The following ZBTB1 variants were observed in gnomAD, a reference collection of about 807,000 sequenced individuals.
ZBTB1 encodes zinc finger and BTB domain containing 1.
In ZBTB1, 13 loss-of-function variants were observed where a neutral mutation model predicts 51.6. The observed-to-expected ratio is 0.25, with a 90% CI of 0.16 to 0.40. The LOEUF is 0.40. Ranked by LOEUF, ZBTB1 falls within the 10% of genes least tolerant of loss-of-function variation. The pLI, the probability that ZBTB1 is intolerant of heterozygous loss-of-function variation, is 1.00. For missense variants in ZBTB1, 567 were observed against 856.5 expected, an observed-to-expected ratio of 0.66 and a Z score of 4.22; for synonymous variants, 240 against 282.2, an observed-to-expected ratio of 0.85 and a Z score of 1.50.
chr14:64,512,109 A>C (rs373806011), intron 1 of ZBTB1, among the ~76,000 whole-genome samples: 1 of 152,210 alleles, frequency 6.6e-6, no homozygotes, highest in Non-Finnish European at 1.5e-5. Context: ...AATTTTTTTT[A>C]AATTGTACTG....
rs563898754 is a variant in ZBTB1 at position 64,523,675 on chromosome 14, T to G, written c.*29T>G. ...ATTTTCTACTGTACTAATGTTTAGA[T>G]GATAGCAGATAAAACACCAAAGCAA... On this transcript the variant is annotated 3_prime_UTR_variant, in exon 2 of 2. Transcript: ENST00000683701. This position sits in a 1 kb window ranked among gnomAD's most constrained non-coding sequence, Gnocchi z 4.5. 7 of 1,506,790 alleles carry G rather than the reference T, an allele frequency of 4.6e-6. No homozygotes were observed. The highest frequency in any genetic ancestry group is 6.2e-6 in the Non-Finnish European group (7 of 1,125,292). 93.3% of individuals were successfully genotyped at this position (1,506,790 alleles called of 1,614,324 possible).
At position 64,524,610 on chromosome 14, in the gene ZBTB1, T is replaced by C. The variant is rs2079889059; in HGVS notation, c.*964T>C. The stretch of plus-strand genomic sequence containing the variant: ...AGATTTGAGAAAGCTTCCATGTATA[T>C]TGATAAATCTAATAAAATAAAGAGA... On this transcript the variant is annotated 3_prime_UTR_variant, in exon 2 of 2. Transcript: ENST00000683701. 1 of 982,244 alleles carries C rather than the reference T, an allele frequency of 1.0e-6. No individual in the cohort carries two copies. The highest frequency in any genetic ancestry group is 4.7e-5 in the South Asian group (1 of 21,232). The allele number at this position is 982,244 out of a possible 1,614,324, so 60.8% of individuals were successfully genotyped here.
chr14:64,513,645 C>T (rs1196061367), intron 1 of ZBTB1, among the ~76,000 whole-genome samples: 2 of 152,094 alleles, frequency 1.3e-5, no homozygotes, highest in East Asian at 1.9e-4. Flanking sequence ...GAACTTTATT[C>T]AATATAGTTT....
intron 1 of ZBTB1, chr14:64,505,330 C>A (rs893163067): frequency 2.5e-5 from 4 of 161,828 alleles, no homozygotes; most frequent in African/African-American, 9.6e-5. Flanking sequence ...ACAGCTGCGG[C>A]TCGGCGGCGG....
intron 1 of ZBTB1, among the ~76,000 whole-genome samples, chr14:64,520,246 G>A (rs187805767): frequency 2.7e-4 from 41 of 152,050 alleles, no homozygotes; most frequent in African/African-American, 8.0e-4. Flanking sequence ...CTCGTGATCC[G>A]CCCGCCTCGG....
At chr14:64,532,101 T>C (rs1158998012) in exon 3 of ZBTB1, 2 of 521,384 alleles carry the variant, frequency 3.8e-6, no homozygotes, top group Non-Finnish European at 6.7e-6. Context: ...GTAACAAAAT[T>C]GATTCATGGT....
chr14:64,523,448 C>A lies in ZBTB1; in HGVS notation c.1944C>A (p.Asp648Glu). ...ICDQGNFRKH[D>E]HVRHMISHLS... ...ATCAAGGAAACTTCAGAAAACATGA[C>A]CATGTACGGCATATGATTTCTCATT... The change falls in exon 2 of 2, where the codon GAC (aspartate) becomes GAA (glutamate). Residue 648 changes from aspartate to glutamate, a missense_variant. Physicochemically the swap from Asp to Glu is conservative, Grantham distance 45 (BLOSUM62 2). Transcript: ENST00000683701. This position sits in a 1 kb window ranked among gnomAD's most constrained non-coding sequence, Gnocchi z 4.5. The A allele has an allele frequency of 6.2e-7, 1 of 1,614,158 alleles. No individual in the cohort carries two copies. The highest frequency in any genetic ancestry group is 8.5e-7 in the Non-Finnish European group (1 of 1,180,006).
chr14:64,524,628 TAAA>T lies in ZBTB1; in HGVS notation c.*983_*985del, dbSNP rs201668165. 1.6e-4 allele frequency: 155 copies of T among 982,686 alleles called. 2 individuals are homozygous for T. In the East Asian group the frequency reaches 0.016, roughly 101 times the overall value. The allele number at this position is 982,686 out of a possible 1,614,324, so 60.9% of individuals were successfully genotyped here. On this transcript the variant is annotated 3_prime_UTR_variant, in exon 2 of 2. Coordinates refer to ENST00000683701, the MANE Select transcript of ZBTB1 (RefSeq NM_001123329.2). ...ATGTATATTGATAAATCTAATAAAA[TAAA>T]GAGATCAATTATAAACCTGGTTGTT...
chr14:64,533,494 T>G, exon 3 of ZBTB1: 1 of 152,724 alleles, frequency 6.5e-6, no homozygotes, highest in East Asian at 1.9e-4. Flanking sequence ...TAAAAATGGC[T>G]TAAATTTTGA....
intron 1 of ZBTB1, among the ~76,000 whole-genome samples, chr14:64,516,936 T>C (rs1373172127): frequency 6.6e-6 from 1 of 152,220 alleles, no homozygotes; most frequent in African/African-American, 2.4e-5. Context: ...TTTTGGTTGC[T>C]GATGATAAAA....
chr14:64,504,604 C>T (rs557487578), upstream of ZBTB1: 5 of 276,378 alleles, frequency 1.8e-5, no homozygotes, highest in African/African-American at 8.8e-5. Flanking sequence ...AACAGGCGAC[C>T]GCGGGTGCCC....
intron 2 of ZBTB1, chr14:64,531,756 A>G (rs2079943460): frequency 1.5e-6 from 2 of 1,343,928 alleles, no homozygotes; most frequent in Non-Finnish European, 2.1e-6. Flanking sequence ...GTGTTGGCCT[A>G]GTGCCAAAGC....
At chr14:64,532,509 G>GT (rs1289302705) in exon 3 of ZBTB1, 1 of 152,026 alleles carries the variant, frequency 6.6e-6, no homozygotes, top group Non-Finnish European at 1.5e-5. Flanking sequence ...CTTTTCCACT[G>GT]TATATGCCAG....
chr14:64,514,883 CA>C (rs1344433815), intron 1 of ZBTB1, among the ~76,000 whole-genome samples: 1 of 152,154 alleles, frequency 6.6e-6, no homozygotes, highest in Non-Finnish European at 1.5e-5. Flanking sequence ...GTATGTGCTT[CA>C]GCACAGTTAA....
chr14:64,513,281 A>T (rs569220936), intron 1 of ZBTB1, among the ~76,000 whole-genome samples: 8 of 152,248 alleles, frequency 5.3e-5, no homozygotes, highest in Non-Finnish European at 1.2e-4. Context: ...TCTGTGAGAG[A>T]TATATATACA....
At chr14:64,531,068 A>C (rs2079938679) in intron 2 of ZBTB1, among the ~76,000 whole-genome samples, 1 of 152,200 alleles carries the variant, frequency 6.6e-6, no homozygotes, top group South Asian at 2.1e-4. Flanking sequence ...GGAACAGTTA[A>C]TTATACAGCT....
At chr14:64,517,768 T>C (rs1342558948) in intron 1 of ZBTB1, among the ~76,000 whole-genome samples, 44 of 69,888 alleles carry the variant, frequency 6.3e-4, no homozygotes, top group Non-Finnish European at 8.7e-4. Flanking sequence ...TATATATATA[T>C]ATATATATAT....
chr14:64,523,982 G>T lies in ZBTB1; in HGVS notation c.*336G>T, dbSNP rs1454894444. On this transcript the variant is annotated 3_prime_UTR_variant, in exon 2 of 2. Coordinates refer to ENST00000683701, the MANE Select transcript of ZBTB1 (RefSeq NM_001123329.2). The surrounding 1 kb of genome is among the most constrained non-coding windows in gnomAD (Gnocchi z 4.5). ...GGTGATGACTTCACTATTTCTATGT[G>T]TTTTTTTTTTTTTAAGGTTATCCTG... 2.2e-5 allele frequency: 19 copies of T among 850,792 alleles called. No individual in the cohort carries two copies. The highest frequency in any genetic ancestry group is 5.9e-5 in the African/African-American group (3 of 51,200). 52.7% of individuals were successfully genotyped at this position (850,792 alleles called of 1,614,324 possible).
At chr14:64,513,648 T>G (rs1219073341) in intron 1 of ZBTB1, among the ~76,000 whole-genome samples, 2 of 152,190 alleles carry the variant, frequency 1.3e-5, no homozygotes, top group African/African-American at 4.8e-5. Flanking sequence ...CTTTATTCAA[T>G]ATAGTTTATT....
Sources: allele counts gnomAD v4.1 joint callset (sites outside exome capture counted in the v4.1 genomes callset), GRCh38; gene constraint gnomAD v4.1.1; non-coding constraint Gnocchi (gnomAD v3.1); transcripts MANE v1.5; gene names NCBI Gene and HGNC (gene_info 2026-07-23, HGNC 2026-07-21).